The following FGGY variants were observed in gnomAD, a reference collection of about 807,000 sequenced individuals.
FGGY encodes the protein FGGY carbohydrate kinase domain-containing protein.
In FGGY, 72 loss-of-function variants were observed where a neutral mutation model predicts 71.3. That is an observed-to-expected ratio of 1.01 (90% confidence interval 0.84 to 1.23). The LOEUF is 1.23. Among genes scored for constraint, FGGY ranks in the 50% most tolerant of loss-of-function variants. The pLI is 0.00. For missense variants in FGGY, 668 were observed against 682.3 expected (o/e 0.98, Z 0.23); for synonymous variants, 251 against 250.3 (o/e 1.00, Z -0.02).
chr1:59,699,263 GC>G, intron 14 of FGGY: 2 of 985,178 alleles, frequency 2.0e-6, no homozygotes, highest in Non-Finnish European at 2.4e-6. Flanking sequence ...CTTGGGGTGA[GC>G]CTTTGAGTTT....
At chr1:59,615,665 G>A (rs562593027) in intron 9 of FGGY, among the ~76,000 whole-genome samples, 6 of 152,172 alleles carry the variant, frequency 3.9e-5, no homozygotes, top group African/African-American at 1.4e-4. Context: ...TTAAACTAAA[G>A]AGCTTCTGCC....
At chr1:59,751,454 A>G (rs1032387471) in intron 14 of FGGY, among the ~76,000 whole-genome samples, 1 of 152,242 alleles carries the variant, frequency 6.6e-6, no homozygotes, top group Admixed American at 6.5e-5. Flanking sequence ...ATGATGTGCT[A>G]TACTGTGTTC....
rs1319081492 is a variant in FGGY at position 59,420,866 on chromosome 1, A to G, written c.555-36095A>G. The stretch of plus-strand genomic sequence containing the variant: ...CAAAGAGGCTCAAATTCACTCCCAA[A>G]TGCCCGGCCACCAAGAAGCTTTGGA... On this transcript the variant is annotated intron_variant, in intron 5 of 15. Coordinates refer to ENST00000303721, the MANE Select transcript of FGGY (RefSeq NM_018291.5). 2.6e-5 allele frequency among the ~76,000 whole-genome samples: 4 copies of G among 151,782 alleles called. No homozygotes were observed. In the East Asian group the frequency reaches 7.7e-4, roughly 29 times the overall value.
intron 6 of FGGY, among the ~76,000 whole-genome samples, chr1:59,479,710 G>A (rs1287363195): frequency 3.3e-5 from 5 of 152,146 alleles, no homozygotes; most frequent in Admixed American, 3.3e-4. Context: ...TAAAATAGAA[G>A]TACAGAGGAT....
At chr1:59,481,258 A>C (rs1489592797) in intron 6 of FGGY, among the ~76,000 whole-genome samples, 1 of 152,152 alleles carries the variant, frequency 6.6e-6, no homozygotes, top group Non-Finnish European at 1.5e-5. Flanking sequence ...TTAAATTTTT[A>C]AAAATTTTAG....
At chr1:59,517,047 C>G (rs1308910099) in intron 7 of FGGY, among the ~76,000 whole-genome samples, 1 of 152,104 alleles carries the variant, frequency 6.6e-6, no homozygotes, top group Non-Finnish European at 1.5e-5. Flanking sequence ...TTAGTAAGTT[C>G]TCCAGCAGAC....
chr1:59,545,892 TA>T (rs1413597239), intron 7 of FGGY, among the ~76,000 whole-genome samples: 1 of 152,234 alleles, frequency 6.6e-6, no homozygotes, highest in Non-Finnish European at 1.5e-5. Context: ...TCTTAATGTT[TA>T]AAATGCTAGC....
intron 1 of FGGY, among the ~76,000 whole-genome samples, chr1:59,314,602 G>A (rs1000433952): frequency 4.6e-5 from 7 of 152,252 alleles, no homozygotes; most frequent in Non-Finnish European, 7.3e-5. Flanking sequence ...GGTAGACACA[G>A]ATGGGACAAG....
At chr1:59,427,787 T>C (rs1475640893) in intron 5 of FGGY, among the ~76,000 whole-genome samples, 1 of 151,894 alleles carries the variant, frequency 6.6e-6, no homozygotes, top group Admixed American at 6.6e-5. Flanking sequence ...AGAGGCAGAG[T>C]GGGAGATGGA....
chr1:59,573,192 T>C (rs1010552176), intron 8 of FGGY, among the ~76,000 whole-genome samples: 4 of 152,122 alleles, frequency 2.6e-5, no homozygotes, highest in Non-Finnish European at 5.9e-5. Flanking sequence ...CTGAATTGAA[T>C]TGGAGAAACT....
intron 7 of FGGY, among the ~76,000 whole-genome samples, chr1:59,540,522 A>T (rs1004123850): frequency 1.3e-5 from 2 of 152,254 alleles, no homozygotes; most frequent in Admixed American, 6.5e-5. Flanking sequence ...CCTGTGGTGT[A>T]GACATCTGGA....
At chr1:59,676,453 TCAAA>T (rs989326791) in intron 14 of FGGY, among the ~76,000 whole-genome samples, 2 of 151,480 alleles carry the variant, frequency 1.3e-5, no homozygotes, top group African/African-American at 4.9e-5. Context: ...AGTCTGTAGC[TCAAA>T]CAGAGAATAG....
chr1:59,737,669 G>C (rs1304196778), intron 14 of FGGY, among the ~76,000 whole-genome samples: 1 of 152,198 alleles, frequency 6.6e-6, no homozygotes, highest in African/African-American at 2.4e-5. Flanking sequence ...CATTGTATCT[G>C]GGAAGTAACT....
In FGGY at chr1:59,442,098, G is replaced by A. The variant is rs1377356633; in HGVS notation, c.555-14863G>A. ...AATTCACCAATCATGCAGAGGGTATGTTTCTAGAGGCAGTTTGTATAGTTG... is the reference window on the plus strand; with the variant it reads ...AATTCACCAATCATGCAGAGGGTATATTTCTAGAGGCAGTTTGTATAGTTG... On this transcript the variant is annotated intron_variant, in intron 5 of 15. Coordinates refer to ENST00000303721, the MANE Select transcript of FGGY (RefSeq NM_018291.5). 2.0e-5 allele frequency among the ~76,000 whole-genome samples: 3 copies of A among 152,296 alleles called. No homozygotes were observed. The East Asian group carries it at 5.8e-4, about 29-fold the overall frequency.
At chr1:59,493,156 G>T (rs1473935626) in intron 6 of FGGY, among the ~76,000 whole-genome samples, 2 of 139,260 alleles carry the variant, frequency 1.4e-5, no homozygotes, top group African/African-American at 5.3e-5. Flanking sequence ...TGTTGGTGAA[G>T]ATGTGGAGAA....
chr1:59,527,761 T>A lies in FGGY; in HGVS notation c.799+15322T>A, dbSNP rs193193239. 2.6e-4 allele frequency among the ~76,000 whole-genome samples: 39 copies of A among 152,338 alleles called. 1 individual carries two copies. The highest frequency in any genetic ancestry group is 9.1e-4 in the African/African-American group (38 of 41,584). On this transcript the variant is annotated intron_variant, in intron 7 of 15. Coordinates refer to ENST00000303721, the MANE Select transcript of FGGY (RefSeq NM_018291.5). ...TTTACTGGAGACAGAATGGAAAATG[T>A]ATGAAGGGGCAACATGAGAAAATAG...
chr1:59,716,825 A>G (rs1327788544), intron 14 of FGGY, among the ~76,000 whole-genome samples: 1 of 152,188 alleles, frequency 6.6e-6, no homozygotes, highest in Non-Finnish European at 1.5e-5. Flanking sequence ...GGCATGATGG[A>G]AGCGGGAAAA....
chr1:59,406,610 A>G, intron 5 of FGGY, among the ~76,000 whole-genome samples: 2 of 151,084 alleles, frequency 1.3e-5, no homozygotes. Context: ...CACATGAAAC[A>G]GGGTTGCGTA....
chr1:59,540,109 G>A (rs1371701651), intron 7 of FGGY, among the ~76,000 whole-genome samples: 1 of 152,156 alleles, frequency 6.6e-6, no homozygotes, highest in Non-Finnish European at 1.5e-5. Flanking sequence ...CAAACGGTTT[G>A]ATAATGCCAA....
Sources: gnomAD v4.1 joint callset for allele counts (sites outside exome capture counted in the v4.1 genomes callset) on GRCh38, gnomAD v4.1.1 for gene constraint, MANE v1.5 for transcripts, NCBI Gene and HGNC (gene_info 2026-07-23, HGNC 2026-07-21) for gene names.